The following GRM3 variants were observed in gnomAD, a reference collection of about 807,000 sequenced individuals.
The protein encoded by GRM3 is glutamate metabotropic receptor 3.
In GRM3, 26 loss-of-function variants were observed where a neutral mutation model predicts 70.5. The observed-to-expected ratio is 0.37, with a 90% confidence interval of 0.27 to 0.51. The LOEUF is 0.51. Among genes scored for constraint, GRM3 ranks in the 20% least tolerant of loss-of-function variants. GRM3 has a pLI of 0.93. For missense variants in GRM3, 859 were observed against 1,123.8 expected (o/e 0.76, Z 3.37); for synonymous variants, 443 against 434.9 (o/e 1.02, Z -0.23).
chr7:86,751,834 C>T (rs1796239430), intron 1 of GRM3, among the ~76,000 whole-genome samples: 1 of 152,118 alleles, frequency 6.6e-6, no homozygotes, highest in African/African-American at 2.4e-5. Flanking sequence ...TCCTCTAGGA[C>T]TTCTCACCAG....
chr7:86,702,342 G>A (rs2116103925), intron 1 of GRM3, among the ~76,000 whole-genome samples: 1 of 152,062 alleles, frequency 6.6e-6, no homozygotes, highest in South Asian at 2.1e-4. Flanking sequence ...TTCATCCCTT[G>A]CTGCATCTTC....
chr7:86,742,725 A>G (rs1286798599), intron 1 of GRM3, among the ~76,000 whole-genome samples: 1 of 152,174 alleles, frequency 6.6e-6, no homozygotes, highest in Non-Finnish European at 1.5e-5. Flanking sequence ...TTATTGAATC[A>G]TATCCCAATA....
intron 1 of GRM3, among the ~76,000 whole-genome samples, chr7:86,757,812 T>C (rs1796384304): frequency 6.6e-6 from 1 of 152,178 alleles, no homozygotes; most frequent in Non-Finnish European, 1.5e-5. Flanking sequence ...GTTTGCTTCA[T>C]ATTTTTTCTA....
intron 4 of GRM3, among the ~76,000 whole-genome samples, chr7:86,842,744 G>A (rs1363767077): frequency 6.6e-6 from 1 of 152,038 alleles, no homozygotes; most frequent in East Asian, 1.9e-4. Flanking sequence ...TTATATCTCA[G>A]CTGGAAGAAA....
intron 1 of GRM3, among the ~76,000 whole-genome samples, chr7:86,667,402 C>A (rs1202231077): frequency 1.3e-5 from 2 of 152,018 alleles, no homozygotes; most frequent in Non-Finnish European, 2.9e-5. Context: ...CTCAATTTAT[C>A]CTTTAGGATT....
chr7:86,809,659 G>A (rs1021054924), intron 3 of GRM3, among the ~76,000 whole-genome samples: 11 of 151,956 alleles, frequency 7.2e-5, no homozygotes, highest in African/African-American at 2.7e-4. Flanking sequence ...AATTATTGAA[G>A]CATCATTCTT....
chr7:86,861,156 A>G (rs544989565), intron 5 of GRM3, among the ~76,000 whole-genome samples: 1 of 152,328 alleles, frequency 6.6e-6, no homozygotes, highest in Non-Finnish European at 1.5e-5. Context: ...CATTGTCACA[A>G]TGTGGCTTGA....
chr7:86,837,293 T>G (rs1211268395), intron 3 of GRM3, among the ~76,000 whole-genome samples: 2 of 152,170 alleles, frequency 1.3e-5, no homozygotes, highest in African/African-American at 2.4e-5. Flanking sequence ...TGAAGGATCC[T>G]TTTAGCCCAT....
At chr7:86,763,444 G>A (rs1796528458) in intron 1 of GRM3, among the ~76,000 whole-genome samples, 2 of 152,104 alleles carry the variant, frequency 1.3e-5, no homozygotes, top group African/African-American at 4.8e-5. Flanking sequence ...GTGCTAGAAA[G>A]CTGAGTGTCA....
chr7:86,818,810 A>G (rs1470505737), intron 3 of GRM3, among the ~76,000 whole-genome samples: 1 of 152,144 alleles, frequency 6.6e-6, no homozygotes, highest in Non-Finnish European at 1.5e-5. Context: ...TCAAGAAAGT[A>G]AATACAACAA....
intron 1 of GRM3, among the ~76,000 whole-genome samples, chr7:86,763,340 T>C (rs1796526502): frequency 6.6e-6 from 1 of 152,098 alleles, no homozygotes; most frequent in Admixed American, 6.6e-5. Flanking sequence ...TGCAGTCAGA[T>C]CTCTCACTTG....
rs563611265 is a variant in GRM3, at chr7:86,806,173, A to T, written c.1324+19057A>T. On this transcript the variant is annotated intron_variant, in intron 3 of 5. Transcript: ENST00000361669. ...TTGATGGACATTTGGGTTGGTTCCT[A>T]GTCTTTGGTATTGTGAATAGTGCCA... is the stretch of plus-strand genomic sequence containing the variant. 6.6e-5 allele frequency among the ~76,000 whole-genome samples: 10 copies of T among 152,184 alleles called. No homozygotes were observed. In the East Asian group the frequency reaches 1.9e-3, roughly 29 times the overall value.
At chr7:86,729,590 G>A (rs1021427416) in intron 1 of GRM3, among the ~76,000 whole-genome samples, 1 of 151,968 alleles carries the variant, frequency 6.6e-6, no homozygotes, top group Non-Finnish European at 1.5e-5. Context: ...CTTATGTATT[G>A]GTTGTAATTT....
intron 2 of GRM3, among the ~76,000 whole-genome samples, chr7:86,784,875 G>A (rs1344794702): frequency 1.3e-5 from 2 of 152,214 alleles, no homozygotes; most frequent in Non-Finnish European, 2.9e-5. Flanking sequence ...GATAGCTCTG[G>A]ACTATATCTA....
intron 5 of GRM3, among the ~76,000 whole-genome samples, chr7:86,851,005 G>A (rs1290072500): frequency 6.6e-6 from 1 of 151,890 alleles, no homozygotes; most frequent in Non-Finnish European, 1.5e-5. Flanking sequence ...AATTAAAAGG[G>A]GAAGATAATA....
intron 5 of GRM3, among the ~76,000 whole-genome samples, chr7:86,862,165 T>C (rs1798973126): frequency 6.6e-6 from 1 of 152,192 alleles, no homozygotes; most frequent in African/African-American, 2.4e-5. Flanking sequence ...CTATGGCCAC[T>C]GATTTTGAAG....
intron 1 of GRM3, among the ~76,000 whole-genome samples, chr7:86,735,338 T>C (rs1425749551): frequency 2.0e-5 from 3 of 152,138 alleles, no homozygotes; most frequent in Non-Finnish European, 4.4e-5. Context: ...TAAAATCAAG[T>C]AGAAATTTTT....
At chr7:86,741,981 A>G (rs1238759816) in intron 1 of GRM3, among the ~76,000 whole-genome samples, 1 of 152,036 alleles carries the variant, frequency 6.6e-6, no homozygotes, top group Non-Finnish European at 1.5e-5. Flanking sequence ...AAAATGATAC[A>G]TTAATTTTCT....
At chr7:86,801,039 T>C (rs1474942913) in intron 3 of GRM3, among the ~76,000 whole-genome samples, 3 of 151,958 alleles carry the variant, frequency 2.0e-5, no homozygotes, top group East Asian at 3.8e-4. Flanking sequence ...TCTCATCTTT[T>C]ATGTTTTACC....
Sources: allele counts gnomAD v4.1 joint callset (sites outside exome capture counted in the v4.1 genomes callset), GRCh38; gene constraint gnomAD v4.1.1; transcripts MANE v1.5; gene names NCBI Gene and HGNC (gene_info 2026-07-23, HGNC 2026-07-21).